The following EIF3G variants were observed in gnomAD, a reference collection of about 807,000 sequenced individuals.
EIF3G encodes eukaryotic translation initiation factor 3 subunit G, also known as eukaryotic translation initiation factor 3 RNA-binding subunit.
In EIF3G, 10 loss-of-function variants were observed where a neutral mutation model predicts 41.7. The observed-to-expected ratio is 0.24, with a 90% CI of 0.15 to 0.41. The LOEUF is 0.41. Ranked by LOEUF, EIF3G falls within the 10% of genes least tolerant of loss-of-function variation. The pLI, the probability that EIF3G is intolerant of heterozygous loss-of-function variation, is 1.00. For synonymous variants in EIF3G, 204 were observed against 172.5 expected (o/e 1.18, Z -1.43); for missense variants, 297 against 444.0 (o/e 0.67, Z 2.98).
At chr19:10,118,548 G>T in intron 5 of EIF3G, 120 bp downstream of exon 5, 2 of 1,149,980 alleles carry the variant, frequency 1.7e-6, no homozygotes, top group Non-Finnish European at 1.3e-6. Context: ...CTGGGGGACA[G>T]AGCAACACTC....
rs1215447790 is a variant in EIF3G, at chr19:10,116,652, A to T, written c.595+148T>A. 2 of 763,966 alleles carry T rather than the reference A, an allele frequency of 2.6e-6. No homozygotes were observed. The highest frequency in any genetic ancestry group is 2.0e-5 in the South Asian group (1 of 50,548). The allele number at this position is 763,966 out of a possible 1,614,324, so 47.3% of individuals were successfully genotyped here. A position where few individuals can be genotyped will look rare whatever the true frequency, so the allele number is the denominator to read the frequency against. On this transcript the variant is annotated intron_variant, in intron 7 of 10. Transcript: ENST00000253108. The surrounding 1 kb of genome is among the most constrained non-coding windows in gnomAD (Gnocchi z 4.1). ...GAGACGCCCGTCTCCCAACCATAGG[A>T]GGTACAGCCAATTAGGAAGGCACAG...
chr19:10,115,212 G>A, intron 10 of EIF3G, 83 bp from the exon 11 acceptor site: 4 of 1,549,524 alleles, frequency 2.6e-6, no homozygotes, highest in Non-Finnish European at 3.5e-6. Flanking sequence ...TTGGGGGTGG[G>A]TGGGCAGAGG....
In EIF3G at chr19:10,119,816, C is replaced by T. The variant is rs202218549; in HGVS notation, c.20+24G>A. On this transcript the variant is annotated intron_variant, in intron 1 of 10. Transcript: ENST00000253108. ...AGAGCACCCCAACCGCTTCCCGTGC[C>T]CCTTTCCGCGATCGCCGACTCACTC... is the stretch of plus-strand genomic sequence containing the variant. 11 of 1,614,216 alleles carry T rather than the reference C, an allele frequency of 6.8e-6. No individual in the cohort carries two copies. The East Asian group carries it at 1.8e-4, about 26-fold the overall frequency.
At chr19:10,115,345 A>C in intron 10 of EIF3G, 134 bp downstream of exon 10, 1 of 1,197,756 alleles carries the variant, frequency 8.3e-7, no homozygotes. Context: ...TTGGAAAAAA[A>C]CAATAAAGGA....
intron 2 of EIF3G, 21 bp from the exon 3 acceptor site, chr19:10,119,192 AG>A: frequency 6.4e-7 from 1 of 1,559,794 alleles, no homozygotes; most frequent in Non-Finnish European, 8.7e-7. Context: ...CAGCGTAGGA[AG>A]GAGGAGTCAG....
At position 10,117,509 on chromosome 19, in the gene EIF3G, G is replaced by A. The variant is rs1465559164; in HGVS notation, c.301-321C>T. 2.1e-5 allele frequency: 6 copies of A among 290,104 alleles called. No individual in the cohort carries two copies. In the East Asian group the frequency reaches 3.0e-4, roughly 14 times the overall value. The allele number at this position is 290,104 out of a possible 1,614,324, so 18.0% of individuals were successfully genotyped here. Reference sequence around the variant, plus strand: ...GTGCAGGGGTCCACCTAGACCTCCGGGCCCTTGAGCTAGACAACCTGAGCC... The same window carrying A: ...GTGCAGGGGTCCACCTAGACCTCCGAGCCCTTGAGCTAGACAACCTGAGCC... On this transcript the variant is annotated intron_variant, in intron 5 of 10. Coordinates refer to ENST00000253108, the MANE Select transcript of EIF3G (RefSeq NM_003755.5).
chr19:10,119,149 G>A lies in EIF3G; in HGVS notation c.90C>T (p.Leu30=). 2 of 1,591,294 alleles carry A rather than the reference G, an allele frequency of 1.3e-6. No homozygotes were observed. The highest frequency in any genetic ancestry group is 1.7e-6 in the Non-Finnish European group (2 of 1,167,990). ...GEDDKCVTSE[L]LKGIPLATGD... Reference sequence around the variant, plus strand: ...CTGTGGCCAGAGGGATCCCCTTGAGGAGCTCGCTGGTGACACATTTGTCTG... The same window carrying A: ...CTGTGGCCAGAGGGATCCCCTTGAGAAGCTCGCTGGTGACACATTTGTCTG... Residue 30 remains leucine (L), a synonymous_variant, in exon 3 of 11, where the codon CTC becomes CTT. Coordinates refer to ENST00000253108, the MANE Select transcript of EIF3G (RefSeq NM_003755.5).
chr19:10,115,611 G>T (rs138278662), intron 9 of EIF3G, 26 bp from the exon 10 acceptor site: 1 of 1,611,554 alleles, frequency 6.2e-7, no homozygotes, highest in African/African-American at 1.3e-5. Flanking sequence ...ATGGGGTCGG[G>T]CACGAGCTAG....
chr19:10,116,137 C>T lies in EIF3G; in HGVS notation c.596-63G>A. 1 of 1,512,950 alleles carries T rather than the reference C, an allele frequency of 6.6e-7. No individual in the cohort carries two copies. Among genetic ancestry groups the T allele is most frequent in the South Asian group, 1.2e-5 (1 of 85,028 alleles). The allele number at this position is 1,512,950 out of a possible 1,614,324, so 93.7% of individuals were successfully genotyped here. A position where few individuals can be genotyped will look rare whatever the true frequency, so the allele number is the denominator to read the frequency against. On this transcript the variant is annotated intron_variant, in intron 7 of 10. Coordinates refer to ENST00000253108, the MANE Select transcript of EIF3G (RefSeq NM_003755.5). This position sits in a 1 kb window ranked among gnomAD's most constrained non-coding sequence, Gnocchi z 4.1. ...GGCGCAGGCGTGGGGACAGAGCCGC[C>T]CCAGGAAGCTCGGGCTTCAGTGTTG...
Position 10,116,950 on chromosome 19 carries a change from G to A in EIF3G, c.445C>T (p.Leu149Phe). The change falls in exon 7 of 11, where the codon CTC becomes TTC. Residue 149 changes from leucine to phenylalanine, a missense_variant. Physicochemically the swap from Leu to Phe is conservative, Grantham distance 22 (BLOSUM62 0). Transcript: ENST00000253108. The surrounding 1 kb of genome is among the most constrained non-coding windows in gnomAD (Gnocchi z 4.1). ...CAGGACACGATCTTCTGGCCCTTGA[G>A]TTTGTTCATAGGGTCCTCCTCCTCC... is the stretch of plus-strand genomic sequence containing the variant. ...CQEEEDPMNK[L>F]KGQKIVSCRI... The A allele has an allele frequency of 6.2e-7, 1 of 1,613,640 alleles. No individual in the cohort carries two copies. The highest frequency in any genetic ancestry group is 8.5e-7 in the Non-Finnish European group (1 of 1,179,746).
chr19:10,116,291 A>G lies in EIF3G; in HGVS notation c.596-217T>C. The G allele has an allele frequency of 1.7e-6, 1 of 593,914 alleles. No individual in the cohort carries two copies. Among genetic ancestry groups the G allele is most frequent in the Non-Finnish European group, 3.0e-6 (1 of 334,276 alleles). The allele number at this position is 593,914 out of a possible 1,614,324, so 36.8% of individuals were successfully genotyped here. A position where few individuals can be genotyped will look rare whatever the true frequency, so the allele number is the denominator to read the frequency against. On this transcript the variant is annotated intron_variant, in intron 7 of 10. Transcript: ENST00000253108. The surrounding 1 kb of genome is among the most constrained non-coding windows in gnomAD (Gnocchi z 4.1). ...ACACTGGTGGAGGAGGAGGAGGAGG[A>G]GCCCCGACCCCACCCCAGAGAGGGC...
chr19:10,119,326 T>TG, intron 2 of EIF3G, 155 bp from the exon 3 acceptor site: 2 of 905,284 alleles, frequency 2.2e-6, no homozygotes, highest in Middle Eastern at 4.2e-4. Context: ...GATGGCCCTG[T>TG]GGGGACTCGG....
intron 6 of EIF3G, 24 bp from the exon 7 acceptor site, chr19:10,117,013 G>C (rs766599531): frequency 1.9e-6 from 3 of 1,603,338 alleles, no homozygotes; most frequent in Non-Finnish European, 2.6e-6. Flanking sequence ...GTTGGGGGGA[G>C]CTCAGAGGCG....
At chr19:10,117,042 C>T (rs770781857) in intron 6 of EIF3G, 42 bp downstream of exon 6, 2 of 1,605,360 alleles carry the variant, frequency 1.2e-6, no homozygotes, top group African/African-American at 2.7e-5. Flanking sequence ...ACCCCCTTTG[C>T]CCCACCCCAG....
At position 10,115,983 on chromosome 19, in the gene EIF3G, C is replaced by T; in HGVS notation, c.687G>A (p.Met229Ile). The T allele has an allele frequency of 6.2e-7, 1 of 1,613,618 alleles. No individual in the cohort carries two copies. The highest frequency in any genetic ancestry group is 8.5e-7 in the Non-Finnish European group (1 of 1,179,810). Reference sequence around the variant, plus strand: ...GCCCCTCACCTCTGCGGTTGGGCTGCATGGACTCCCCGCGGCGGCTGGCCC... The same window carrying T: ...GCCCCTCACCTCTGCGGTTGGGCTGTATGGACTCCCCGCGGCGGCTGGCCC... ...RDGASRRGES[M>I]QPNRRADDNA... is the part of the protein sequence containing the mutation. Residue 229 changes from methionine (M) to isoleucine (I), a missense_variant, in exon 8 of 11, where the codon ATG becomes ATA. Around this residue, in one of 4 missense-constraint regions of EIF3G, gnomAD observed 91 missense variants for 170.5 expected, o/e 0.53. Transcript: ENST00000253108.
In EIF3G at chr19:10,116,416, A is replaced by C. The variant is rs984478966; in HGVS notation, c.596-342T>G. 2.0e-6 allele frequency: 1 copy of C among 498,686 alleles called. No individual in the cohort carries two copies. The highest frequency in any genetic ancestry group is 1.9e-5 in the African/African-American group (1 of 51,872). 30.9% of individuals were successfully genotyped at this position (498,686 alleles called of 1,614,324 possible). Reference sequence around the variant, plus strand: ...AGGTCCCCCTCGCGTGGCAGGCGACAAGTGCACGTCTGCACTCTCACACTC... The same window carrying C: ...AGGTCCCCCTCGCGTGGCAGGCGACCAGTGCACGTCTGCACTCTCACACTC... On this transcript the variant is annotated intron_variant, in intron 7 of 10. Coordinates refer to ENST00000253108, the MANE Select transcript of EIF3G (RefSeq NM_003755.5). This position sits in a 1 kb window ranked among gnomAD's most constrained non-coding sequence, Gnocchi z 4.1.
chr19:10,115,745 C>T lies in EIF3G; in HGVS notation c.779G>A (p.Arg260Gln), dbSNP rs1380470045. ...TRETDLQELF[R>Q]PFGSISRIYL... ...GATGCGGGAGATGGAGCCGAAAGGC[C>T]GGAAGAGCTCCTGCAGGTCGGTCTC... Residue 260 changes from arginine (R) to glutamine (Q), a missense_variant, in exon 9 of 11, where the codon CGG becomes CAG. Arg to Gln is a conservative substitution (Grantham distance 43). This residue lies in a region of EIF3G where 91 missense variants were observed against 170.5 expected (regional missense o/e 0.53). Coordinates refer to ENST00000253108, the MANE Select transcript of EIF3G (RefSeq NM_003755.5). 2 of 1,614,184 alleles carry T rather than the reference C, an allele frequency of 1.2e-6. No individual in the cohort carries two copies. The highest frequency in any genetic ancestry group is 1.7e-6 in the Non-Finnish European group (2 of 1,180,034).
In EIF3G at chr19:10,115,034, T is replaced by A; in HGVS notation, c.*80A>T. ...CCAAGTAGAGAGAGTGGAGCTGCTT[T>A]ATTGCCCTTGGAGCCCGCGCTCTCG... On this transcript the variant is annotated 3_prime_UTR_variant, in exon 11 of 11. Coordinates refer to ENST00000253108, the MANE Select transcript of EIF3G (RefSeq NM_003755.5). 2 of 1,593,490 alleles carry A rather than the reference T, an allele frequency of 1.3e-6. No homozygotes were observed. Among genetic ancestry groups the A allele is most frequent in the South Asian group, 1.1e-5 (1 of 89,326 alleles).
chr19:10,119,130 C>T lies in EIF3G; in HGVS notation c.109G>A (p.Ala37Thr). 1 of 1,600,888 alleles carries T rather than the reference C, an allele frequency of 6.2e-7. No homozygotes were observed. Among genetic ancestry groups the T allele is most frequent in the Non-Finnish European group, 8.5e-7 (1 of 1,172,990 alleles). ...GGCTCTGGGCTGGTGTCACCTGTGG[C>T]CAGAGGGATCCCCTTGAGGAGCTCG... ...TSELLKGIPL[A>T]TGDTSPEPEL... is the part of the protein sequence containing the mutation. Residue 37 changes from alanine (A) to threonine (T), a missense_variant, in exon 3 of 11, where the codon GCC (alanine) becomes ACC (threonine). By Grantham distance (58) the Ala-to-Thr change is moderately conservative. Around this residue, in one of 4 missense-constraint regions of EIF3G, gnomAD observed 147 missense variants for 162.4 expected, o/e 0.91. Coordinates refer to ENST00000253108, the MANE Select transcript of EIF3G (RefSeq NM_003755.5).
Sources: gnomAD v4.1 joint callset for allele counts on GRCh38, gnomAD v4.1.1 for gene constraint, gnomAD v4.1.1 regional missense constraint, Gnocchi (gnomAD v3.1) non-coding constraint, MANE v1.5 for transcripts, NCBI Gene and HGNC (gene_info 2026-07-23, HGNC 2026-07-21) for gene names.